The following SPOCK3 variants were observed in gnomAD, a reference collection of about 807,000 sequenced individuals.
SPOCK3 encodes testican-3.
Under a neutral mutation model 56.6 loss-of-function variants are expected in SPOCK3, and 30 were observed. The ratio of observed to expected loss-of-function variants is 0.53; its 90% CI spans 0.40 to 0.72. The LOEUF is 0.72. Ranked by LOEUF, SPOCK3 falls within the 30% of genes least tolerant of loss-of-function variation. SPOCK3 has a pLI of 0.00. For synonymous variants in SPOCK3, 196 were observed against 183.3 expected (o/e 1.07, Z -0.56); for missense variants, 527 against 530.0 (o/e 0.99, Z 0.06).
At chr4:166,841,955 G>T (rs1271513903) in intron 6 of SPOCK3, among the ~76,000 whole-genome samples, 1 of 152,226 alleles carries the variant, frequency 6.6e-6, no homozygotes, top group Non-Finnish European at 1.5e-5. Context: ...GTTCGGACAT[G>T]TTTGGAGTTT....
intron 4 of SPOCK3, among the ~76,000 whole-genome samples, chr4:166,934,617 TAATC>T (rs1740183151): frequency 6.6e-6 from 1 of 152,190 alleles, no homozygotes; most frequent in African/African-American, 2.4e-5. Context: ...TTACTTATAA[TAATC>T]TATGTGATCT....
intron 2 of SPOCK3, among the ~76,000 whole-genome samples, chr4:167,082,780 GA>G (rs1189676739): frequency 3.1e-5 from 4 of 130,568 alleles, no homozygotes; most frequent in African/African-American, 1.1e-4. Context: ...GGGAGGGAGG[GA>G]AGGGAAGGAA....
intron 3 of SPOCK3, among the ~76,000 whole-genome samples, chr4:167,030,411 G>A (rs559453350): frequency 1.3e-5 from 2 of 152,070 alleles, no homozygotes; most frequent in Admixed American, 6.6e-5. Flanking sequence ...AATTGATTTA[G>A]TTTCTTGGCT....
chr4:166,820,704 G>C (rs1465830459), intron 6 of SPOCK3, among the ~76,000 whole-genome samples: 1 of 151,878 alleles, frequency 6.6e-6, no homozygotes, highest in African/African-American at 2.4e-5. Context: ...TGTACCTGTG[G>C]TTCCAGGTAC....
chr4:167,053,869 T>C (rs1318356580), intron 3 of SPOCK3, among the ~76,000 whole-genome samples: 2 of 152,090 alleles, frequency 1.3e-5, no homozygotes, highest in East Asian at 3.9e-4. Context: ...TTGCCCCTAA[T>C]TCAACATCCC....
At chr4:166,998,465 A>C (rs1265316817) in intron 4 of SPOCK3, among the ~76,000 whole-genome samples, 1 of 152,154 alleles carries the variant, frequency 6.6e-6, no homozygotes, top group East Asian at 1.9e-4. Flanking sequence ...AGAAGTAACG[A>C]GACAGCATAG....
At chr4:166,826,438 A>C (rs1745490767) in intron 6 of SPOCK3, among the ~76,000 whole-genome samples, 1 of 152,114 alleles carries the variant, frequency 6.6e-6, no homozygotes, top group African/African-American at 2.4e-5. Flanking sequence ...TGTCAAATCA[A>C]AATTTATTTA....
At chr4:166,899,655 T>C (rs1735826042) in intron 5 of SPOCK3, among the ~76,000 whole-genome samples, 1 of 151,938 alleles carries the variant, frequency 6.6e-6, no homozygotes, top group Non-Finnish European at 1.5e-5. Flanking sequence ...TAGCTGGGAT[T>C]ACAGGCACAC....
intron 6 of SPOCK3, among the ~76,000 whole-genome samples, chr4:166,819,304 C>T (rs1463001451): frequency 6.6e-6 from 1 of 152,020 alleles, no homozygotes; most frequent in African/African-American, 2.4e-5. Flanking sequence ...TTCCCTCTAA[C>T]ATAAAGAACA....
intron 3 of SPOCK3, among the ~76,000 whole-genome samples, chr4:167,046,628 T>C (rs1156377232): frequency 1.3e-5 from 2 of 151,660 alleles, no homozygotes; most frequent in African/African-American, 4.8e-5. Flanking sequence ...GTTAATTTTT[T>C]ATGTTTTTTA....
chr4:167,224,914 CT>C (rs1008121757), intron 2 of SPOCK3, among the ~76,000 whole-genome samples: 1 of 152,124 alleles, frequency 6.6e-6, no homozygotes, highest in Admixed American at 6.6e-5. Flanking sequence ...ATCTGCCCAC[CT>C]TGGCCTCCCA....
intron 6 of SPOCK3, among the ~76,000 whole-genome samples, chr4:166,828,473 G>A (rs1015248206): frequency 4.0e-5 from 6 of 151,892 alleles, no homozygotes; most frequent in Non-Finnish European, 8.8e-5. Context: ...AGATAATATT[G>A]TGTAACTTAT....
chr4:167,056,638 T>A (rs969064545), intron 3 of SPOCK3, among the ~76,000 whole-genome samples: 6 of 152,092 alleles, frequency 3.9e-5, no homozygotes, highest in African/African-American at 1.4e-4. Flanking sequence ...ACGTGAAGAA[T>A]GCAGAAGCCT....
intron 2 of SPOCK3, among the ~76,000 whole-genome samples, chr4:167,192,345 T>G (rs2110855548): frequency 6.9e-6 from 1 of 145,888 alleles, no homozygotes; most frequent in East Asian, 2.1e-4. Flanking sequence ...TTGGCAGAGT[T>G]TGAAATGAAT....
intron 3 of SPOCK3, among the ~76,000 whole-genome samples, chr4:167,057,879 A>G (rs10016326): frequency 1 from 152,192 of 152,234 alleles, 76,075 homozygotes; most frequent in Middle Eastern, 1. Flanking sequence ...ACAGATCAAC[A>G]AGACAGAAAG....
intron 2 of SPOCK3, among the ~76,000 whole-genome samples, chr4:167,219,738 ATTAAG>A (rs551168282): frequency 6.7e-4 from 102 of 152,288 alleles, no homozygotes; most frequent in African/African-American, 2.3e-3. Flanking sequence ...AAAATTTGGC[ATTAAG>A]TTCTCTGTAA....
chr4:166,858,025 C>T (rs146181433), intron 6 of SPOCK3, among the ~76,000 whole-genome samples: 6 of 152,248 alleles, frequency 3.9e-5, no homozygotes, highest in Admixed American at 6.5e-5. Flanking sequence ...ACAAAGCTGG[C>T]TTTGTAATAT....
At chr4:166,996,417 A>C (rs714067) in intron 4 of SPOCK3, among the ~76,000 whole-genome samples, 1,756 of 152,278 alleles carry the variant, frequency 0.012, 36 homozygotes, top group African/African-American at 0.04. Flanking sequence ...CACAATATAC[A>C]AAAACAATGA....
intron 7 of SPOCK3, among the ~76,000 whole-genome samples, chr4:166,776,327 C>A (rs750540995): frequency 1.3e-5 from 2 of 151,988 alleles, no homozygotes; most frequent in South Asian, 4.2e-4. Context: ...GCAGGAGAAT[C>A]GCTTCAACCC....
Sources: allele counts gnomAD v4.1 joint callset (sites outside exome capture counted in the v4.1 genomes callset), GRCh38; gene constraint gnomAD v4.1.1; transcripts MANE v1.5; gene names NCBI Gene and HGNC (gene_info 2026-07-23, HGNC 2026-07-21).